CCDC192: variants seen among roughly 807,000 people sequenced by gnomAD.
The protein encoded by CCDC192 is coiled-coil domain-containing protein 192.
intron 5 of CCDC192, among the ~76,000 whole-genome samples, chr5:127,833,188 T>C (rs1749881511): frequency 6.6e-6 from 1 of 152,170 alleles, no homozygotes. Flanking sequence ...ACTAATGGGT[T>C]GATAATAGAT....
intron 5 of CCDC192, among the ~76,000 whole-genome samples, chr5:127,818,311 C>G (rs1749122877): frequency 6.6e-6 from 1 of 152,170 alleles, no homozygotes; most frequent in Admixed American, 6.5e-5. Flanking sequence ...GACTGAGTCT[C>G]TAGGACTTTG....
chr5:127,786,557 C>A, intron 3 of CCDC192: 1 of 675,904 alleles, frequency 1.5e-6, no homozygotes, highest in East Asian at 2.6e-5. Context: ...CTCCAAGTCA[C>A]CAATGCAAGG....
At chr5:127,842,207 T>C (rs6595795) in intron 5 of CCDC192, among the ~76,000 whole-genome samples, 59,867 of 151,998 alleles carry the variant, frequency 0.39, 11,966 homozygotes, top group East Asian at 0.53. Context: ...AAATTCTTTT[T>C]TATTATTAGT....
intron 6 of CCDC192, among the ~76,000 whole-genome samples, chr5:127,906,742 C>T (rs1216384769): frequency 1.3e-5 from 2 of 152,030 alleles, no homozygotes; most frequent in African/African-American, 2.4e-5. Context: ...GCCATGACCA[C>T]ACCACTGCAC....
chr5:127,735,870 G>A (rs942523406), intron 2 of CCDC192, among the ~76,000 whole-genome samples: 1 of 137,694 alleles, frequency 7.3e-6, no homozygotes, highest in Non-Finnish European at 1.5e-5. Context: ...CATGTCTTCT[G>A]CAAAGAGGGA....
intron 5 of CCDC192, among the ~76,000 whole-genome samples, chr5:127,841,180 T>G (rs1031156704): frequency 6.6e-6 from 1 of 152,184 alleles, no homozygotes; most frequent in Non-Finnish European, 1.5e-5. Flanking sequence ...CAAATTAGTA[T>G]TAGGATGTGG....
chr5:127,810,975 C>T (rs543989234), intron 5 of CCDC192, among the ~76,000 whole-genome samples: 1 of 152,170 alleles, frequency 6.6e-6, no homozygotes, highest in Non-Finnish European at 1.5e-5. Flanking sequence ...TGGGCCCATT[C>T]AGAGCCTTGT....
At chr5:127,718,153 C>T (rs1025869484) in intron 2 of CCDC192, among the ~76,000 whole-genome samples, 10 of 151,968 alleles carry the variant, frequency 6.6e-5, no homozygotes, top group East Asian at 1.9e-4. Flanking sequence ...CTGGGCAAGA[C>T]GACCTATTTC....
At chr5:127,864,716 T>C (rs551304001) in intron 5 of CCDC192, among the ~76,000 whole-genome samples, 1 of 152,362 alleles carries the variant, frequency 6.6e-6, no homozygotes, top group South Asian at 2.1e-4. Flanking sequence ...TCTCTCTGTT[T>C]ACATGCTATT....
At chr5:127,926,573 TC>T (rs1554086449) in intron 6 of CCDC192, among the ~76,000 whole-genome samples, 9 of 152,112 alleles carry the variant, frequency 5.9e-5, no homozygotes, top group Non-Finnish European at 1.5e-5. Context: ...GAAGTCTAAA[TC>T]AACAGAACTT....
intron 2 of CCDC192, among the ~76,000 whole-genome samples, chr5:127,748,626 T>G (rs1415917992): frequency 6.9e-6 from 1 of 145,406 alleles, no homozygotes; most frequent in Non-Finnish European, 1.5e-5. Context: ...TTAAAGTAGT[T>G]TTTTCCAATT....
At chr5:127,763,049 G>C (rs1199144701) in intron 3 of CCDC192, among the ~76,000 whole-genome samples, 1 of 150,382 alleles carries the variant, frequency 6.6e-6, no homozygotes, top group Non-Finnish European at 1.5e-5. Flanking sequence ...CAGCCCTCTT[G>C]TCTGCTCCTT....
At chr5:127,816,141 A>G (rs1218398254) in intron 5 of CCDC192, among the ~76,000 whole-genome samples, 1 of 152,210 alleles carries the variant, frequency 6.6e-6, no homozygotes, top group Non-Finnish European at 1.5e-5. Context: ...CAAAGAAATC[A>G]TGATTTGGAG....
chr5:127,882,699 T>G (rs1752407039), intron 6 of CCDC192, among the ~76,000 whole-genome samples: 1 of 152,232 alleles, frequency 6.6e-6, no homozygotes, highest in African/African-American at 2.4e-5. Flanking sequence ...AGTGTAAGTG[T>G]ATTTTAAAGA....
chr5:127,727,082 T>G (rs777646985), intron 2 of CCDC192, among the ~76,000 whole-genome samples: 30 of 152,222 alleles, frequency 2.0e-4, no homozygotes, highest in Non-Finnish European at 3.1e-4. Flanking sequence ...CCTCCTCTGG[T>G]GACACCTCCA....
chr5:127,754,510 C>A, intron 3 of CCDC192, 135 bp downstream of exon 3: 1 of 383,976 alleles, frequency 2.6e-6, no homozygotes. Context: ...CACACACACA[C>A]ACATTGCAGT....
intron 6 of CCDC192, among the ~76,000 whole-genome samples, chr5:127,900,960 T>A (rs245160): frequency 6.6e-6 from 1 of 151,990 alleles, no homozygotes; most frequent in African/African-American, 2.4e-5. Context: ...ACCAATTTGA[T>A]AAAAAAATTA....
chr5:127,816,081 AT>A (rs1370871702), intron 5 of CCDC192, among the ~76,000 whole-genome samples: 1 of 152,158 alleles, frequency 6.6e-6, no homozygotes, highest in Non-Finnish European at 1.5e-5. Context: ...ATACATTAAT[AT>A]GTGTTAGAGA....
At chr5:127,790,226 C>T (rs1011148657) in intron 3 of CCDC192, among the ~76,000 whole-genome samples, 1 of 152,198 alleles carries the variant, frequency 6.6e-6, no homozygotes, top group Admixed American at 6.5e-5. Context: ...TGGGACTCAT[C>T]ACCCCTTCCT....
Sources: allele counts gnomAD v4.1 joint callset (sites outside exome capture counted in the v4.1 genomes callset), GRCh38; gene constraint gnomAD v4.1.1; transcripts MANE v1.5; gene names NCBI Gene and HGNC (gene_info 2026-07-23, HGNC 2026-07-21).